Variants in FAM124A observed in about 807,000 individuals in gnomAD.
FAM124A encodes the protein family with sequence similarity 124 member A, also known as protein FAM124A.
In FAM124A, 23 loss-of-function variants were observed where a neutral mutation model predicts 24.5. That is an observed-to-expected ratio of 0.94 (90% CI 0.68 to 1.33). FAM124A has a LOEUF of 1.33. FAM124A is among the 40% of genes most tolerant of loss of function. FAM124A has a pLI of 0.00. For missense variants in FAM124A, 623 were observed against 722.8 expected (o/e 0.86, Z 1.58); for synonymous variants, 287 against 314.7 (o/e 0.91, Z 0.93).
In FAM124A at chr13:51,282,806, ACT is replaced by A. The variant is rs1954952470; in HGVS notation, c.*1555_*1556del. 1 of 152,104 alleles carries A rather than the reference ACT, an allele frequency of 6.6e-6. No homozygotes were observed. Among genetic ancestry groups the A allele is most frequent in the Admixed American group, 6.5e-5 (1 of 15,278 alleles). 9.4% of individuals were successfully genotyped at this position (152,104 alleles called of 1,614,324 possible). A position where few individuals can be genotyped will look rare whatever the true frequency, so the allele number is the denominator to read the frequency against. On this transcript the variant is annotated 3_prime_UTR_variant, in exon 4 of 4. Transcript: ENST00000322475. ...TTAGGCCTTGCCCCAAGCATTCTGG[ACT>A]CTCTAACACTCAGAATTGTAATGTA...
At chr13:51,240,834 C>T (rs560516180) in intron 2 of FAM124A, among the ~76,000 whole-genome samples, 1 of 152,330 alleles carries the variant, frequency 6.6e-6, no homozygotes, top group South Asian at 2.1e-4. Flanking sequence ...TCTCAGGGAT[C>T]CCAATGCCTG....
At position 51,273,025 on chromosome 13, in the gene FAM124A, T is replaced by C. The variant is rs57739663; in HGVS notation, c.835-7425T>C. Among the ~76,000 whole-genome samples the C allele has an allele frequency of 2.4e-3, 369 of 152,370 alleles. 3 individuals carry two copies. The highest frequency in any genetic ancestry group is 8.6e-3 in the African/African-American group (358 of 41,586). On this transcript the variant is annotated intron_variant, in intron 3 of 3. Transcript: ENST00000322475. The stretch of plus-strand genomic sequence containing the variant: ...AGCTTTGTAGAACTAATGTGTACTT[T>C]GTTTTTAAAACTCTGTTTACATATC...
intron 2 of FAM124A, among the ~76,000 whole-genome samples, chr13:51,248,714 CTT>C (rs904987301): frequency 1.3e-5 from 2 of 152,228 alleles, no homozygotes; most frequent in Non-Finnish European, 2.9e-5. Flanking sequence ...ACTGCTGTCT[CTT>C]TCTCCTGCCC....
At chr13:51,223,809 G>C (rs1954288102) in intron 1 of FAM124A, among the ~76,000 whole-genome samples, 3 of 146,868 alleles carry the variant, frequency 2.0e-5, no homozygotes, top group African/African-American at 7.4e-5. Flanking sequence ...CTTTGTGTAA[G>C]TGGCATTTAT....
In FAM124A at chr13:51,281,751, A is replaced by G. The variant is rs756074855; in HGVS notation, c.*495A>G. The G allele has an allele frequency of 6.6e-6, 1 of 152,632 alleles. No individual in the cohort carries two copies. The highest frequency in any genetic ancestry group is 2.4e-5 in the African/African-American group (1 of 41,474). 9.5% of individuals were successfully genotyped at this position (152,632 alleles called of 1,614,324 possible). On this transcript the variant is annotated 3_prime_UTR_variant, in exon 4 of 4. Coordinates refer to ENST00000322475, the MANE Select transcript of FAM124A (RefSeq NM_001242312.2). ...ATATATATTTACATTACCAGAGAACAGTGGCCCTAGGGATGTTTAAGCACT... is the reference window on the plus strand; with the variant it reads ...ATATATATTTACATTACCAGAGAACGGTGGCCCTAGGGATGTTTAAGCACT...
chr13:51,225,976 C>CTTTT lies in FAM124A; in HGVS notation c.68+3439_68+3442dup, dbSNP rs780570797. Among the ~76,000 whole-genome samples the CTTTT allele has an allele frequency of 3.3e-3, 223 of 67,558 alleles. 3 individuals are homozygous for CTTTT. Among genetic ancestry groups the CTTTT allele is most frequent in the South Asian group, 5.2e-3 (7 of 1,350 alleles). The allele number at this position is 67,558 out of a possible 152,430, so 44.3% of individuals were successfully genotyped here. On this transcript the variant is annotated intron_variant, in intron 1 of 3. Coordinates refer to ENST00000322475, the MANE Select transcript of FAM124A (RefSeq NM_001242312.2). Reference sequence around the variant, plus strand: ...ATCTGTAATGTTGCTTGCTTGCTTTCTTTTTTTTTTTTTTTTTTTTTTTTT... The same window carrying CTTTT: ...ATCTGTAATGTTGCTTGCTTGCTTTCTTTTTTTTTTTTTTTTTTTTTTTTTTTTT...
At chr13:51,245,070 A>G (rs1954542431) in intron 2 of FAM124A, among the ~76,000 whole-genome samples, 1 of 152,244 alleles carries the variant, frequency 6.6e-6, no homozygotes, top group Non-Finnish European at 1.5e-5. Context: ...AAGCGAAAGA[A>G]AGAGAAAGGC....
At chr13:51,239,586 T>C (rs1171389835) in intron 2 of FAM124A, among the ~76,000 whole-genome samples, 3 of 152,212 alleles carry the variant, frequency 2.0e-5, no homozygotes, top group Non-Finnish European at 4.4e-5. Flanking sequence ...GTATTCACTG[T>C]TTTACTACTG....
At position 51,281,079 on chromosome 13, in the gene FAM124A, C is replaced by G; in HGVS notation, c.1464C>G (p.Ser488=). Residue 488 remains serine, a synonymous_variant, in exon 4 of 4, where the codon TCC becomes TCG. Coordinates refer to ENST00000322475, the MANE Select transcript of FAM124A (RefSeq NM_001242312.2). The part of the protein sequence containing the change: ...ASLPFFTKRS[S]SSSATARAAP... The stretch of plus-strand genomic sequence containing the variant: ...TCCCTTTCTTCACCAAAAGGTCTTC[C>G]AGCTCCTCAGCGACAGCTCGTGCTG... 1 of 1,614,078 alleles carries G rather than the reference C, an allele frequency of 6.2e-7. No individual in the cohort carries two copies. The highest frequency in any genetic ancestry group is 1.1e-5 in the South Asian group (1 of 91,070).
intron 3 of FAM124A, among the ~76,000 whole-genome samples, chr13:51,277,620 T>C (rs1593613244): frequency 6.6e-6 from 1 of 152,230 alleles, no homozygotes; most frequent in South Asian, 2.1e-4. Context: ...TGGTGAAACC[T>C]TGTCTCTACT....
chr13:51,247,671 C>CG (rs759531083), intron 2 of FAM124A, among the ~76,000 whole-genome samples: 10 of 152,158 alleles, frequency 6.6e-5, no homozygotes, highest in Non-Finnish European at 1.5e-4. Context: ...CTTGACCCCT[C>CG]GTTCAAAGCC....
At chr13:51,273,486 C>T (rs77278140) in intron 3 of FAM124A, among the ~76,000 whole-genome samples, 12,610 of 152,174 alleles carry the variant, frequency 0.083, 724 homozygotes, top group East Asian at 0.27. Flanking sequence ...TTGCCCAGGC[C>T]GGTCTCAAAC....
rs762890811 is a variant in FAM124A at position 51,252,212 on chromosome 13, G to A, written c.834+11G>A. On this transcript the variant is annotated intron_variant, in intron 3 of 3. Coordinates refer to ENST00000322475, the MANE Select transcript of FAM124A (RefSeq NM_001242312.2). Reference sequence around the variant, plus strand: ...AAGATCCTCCTACAGGTACTGGGGGGACGCCTGTCTGTCTGTTTAGGGGAC... The same window carrying A: ...AAGATCCTCCTACAGGTACTGGGGGAACGCCTGTCTGTCTGTTTAGGGGAC... The A allele has an allele frequency of 6.2e-6, 10 of 1,609,250 alleles. No homozygotes were observed. Among genetic ancestry groups the A allele is most frequent in the East Asian group, 2.2e-5 (1 of 44,782 alleles).
At chr13:51,223,587 A>G (rs995016028) in intron 1 of FAM124A, among the ~76,000 whole-genome samples, 4 of 152,156 alleles carry the variant, frequency 2.6e-5, no homozygotes, top group Non-Finnish European at 4.4e-5. Context: ...CGATCGACCC[A>G]GAGTTCTAAC....
chr13:51,251,576 C>T lies in FAM124A; in HGVS notation c.209C>T (p.Ala70Val). The T allele has an allele frequency of 6.4e-7, 1 of 1,554,912 alleles. No homozygotes were observed. Among genetic ancestry groups the T allele is most frequent in the Non-Finnish European group, 8.7e-7 (1 of 1,148,578 alleles). ...PLQEAIDNVL[A>V]WIHPDLPLFR... ...CAGGAGGCCATCGACAACGTCCTGG[C>T]GTGGATCCACCCCGACCTCCCGCTG... The change falls in exon 3 of 4, where the codon GCG becomes GTG. Residue 70 changes from alanine (A) to valine (V), a missense_variant. Coordinates refer to ENST00000322475, the MANE Select transcript of FAM124A (RefSeq NM_001242312.2). This position sits in a 1 kb window ranked among gnomAD's most constrained non-coding sequence, Gnocchi z 5.3.
chr13:51,267,022 A>C (rs1292529816), intron 3 of FAM124A, among the ~76,000 whole-genome samples: 1 of 152,202 alleles, frequency 6.6e-6, no homozygotes, highest in Non-Finnish European at 1.5e-5. Context: ...GATAATAAAC[A>C]ATAGCTGTAA....
chr13:51,259,518 C>T (rs963914988), intron 3 of FAM124A, among the ~76,000 whole-genome samples: 1 of 152,066 alleles, frequency 6.6e-6, no homozygotes, highest in Non-Finnish European at 1.5e-5. Flanking sequence ...CATAAACACA[C>T]GCCGGCTGCC....
intron 2 of FAM124A, among the ~76,000 whole-genome samples, chr13:51,240,684 C>G (rs1037475466): frequency 6.6e-6 from 1 of 152,172 alleles, no homozygotes; most frequent in African/African-American, 2.4e-5. Context: ...CTATAAGAAG[C>G]TCCTATTATA....
chr13:51,251,957 G>T lies in FAM124A; in HGVS notation c.590G>T (p.Ser197Ile), dbSNP rs371907248. The change falls in exon 3 of 4, where the codon AGC becomes ATC. Residue 197 changes from serine to isoleucine, a missense_variant. Ser to Ile is a moderately radical substitution (Grantham distance 142, BLOSUM62 -2). Coordinates refer to ENST00000322475, the MANE Select transcript of FAM124A (RefSeq NM_001242312.2). This position sits in a 1 kb window ranked among gnomAD's most constrained non-coding sequence, Gnocchi z 5.3. ...TTCTACCAGCTGATTCTCCGGAGGA[G>T]CCCCAGCCAGAAGAAAGCGGACTTC... Reference protein sequence around the residue: ...LRFYQLILRRSPSQKKADFCI... With the variant: ...LRFYQLILRRIPSQKKADFCI... The T allele has an allele frequency of 3.3e-5, 54 of 1,614,120 alleles. No homozygotes were observed. Among genetic ancestry groups the T allele is most frequent in the Admixed American group, 5.0e-5 (3 of 60,016 alleles).
Sources: allele counts gnomAD v4.1 joint callset (sites outside exome capture counted in the v4.1 genomes callset), GRCh38; gene constraint gnomAD v4.1.1; non-coding constraint Gnocchi (gnomAD v3.1); transcripts MANE v1.5; gene names NCBI Gene and HGNC (gene_info 2026-07-23, HGNC 2026-07-21).